VIT: variants seen among roughly 807,000 people sequenced by gnomAD.
VIT encodes the protein vitrin.
A neutral mutation model predicts 78.0 loss-of-function variants in VIT; 99 were observed. That is an observed-to-expected ratio of 1.27 (90% CI 1.08 to 1.50). The LOEUF is 1.50. Among genes scored for constraint, VIT ranks in the 40% most tolerant of loss-of-function variants. The pLI, the probability that VIT is intolerant of heterozygous loss-of-function variation, is 0.00. For missense variants in VIT, 1,126 were observed against 875.3 expected (o/e 1.29, Z -3.61); for synonymous variants, 374 against 334.3 (o/e 1.12, Z -1.29).
At chr2:36,713,586 A>C (rs143070553) in intron 1 of VIT, among the ~76,000 whole-genome samples, 1,678 of 152,314 alleles carry the variant, frequency 0.011, 35 homozygotes, top group African/African-American at 0.039. Context: ...AGAAGGGAAC[A>C]GCCTAGTTAT....
chr2:36,717,034 G>A (rs1412409837), intron 2 of VIT, among the ~76,000 whole-genome samples: 3 of 151,684 alleles, frequency 2.0e-5, no homozygotes, highest in Non-Finnish European at 2.9e-5. Context: ...ACGCCACCAT[G>A]CCTGGTTAAT....
At chr2:36,781,367 G>T (rs969710120) in intron 9 of VIT, among the ~76,000 whole-genome samples, 1 of 152,178 alleles carries the variant, frequency 6.6e-6, no homozygotes, top group Non-Finnish European at 1.5e-5. Context: ...TGTCTCTGGA[G>T]GTATCAAGCA....
chr2:36,765,733 A>C (rs767168391), intron 6 of VIT, among the ~76,000 whole-genome samples: 2 of 152,266 alleles, frequency 1.3e-5, no homozygotes, highest in African/African-American at 2.4e-5. Flanking sequence ...GTCAGCAGAA[A>C]GCAGAAGAGG....
At chr2:36,709,465 C>T (rs1349889511) in intron 1 of VIT, among the ~76,000 whole-genome samples, 2 of 152,228 alleles carry the variant, frequency 1.3e-5, no homozygotes, top group Non-Finnish European at 2.9e-5. Flanking sequence ...ATGATGCATG[C>T]ATGCCAGTCT....
At chr2:36,798,780 T>A (rs1256433925) in intron 12 of VIT, among the ~76,000 whole-genome samples, 2 of 151,482 alleles carry the variant, frequency 1.3e-5, no homozygotes, top group African/African-American at 4.9e-5. Flanking sequence ...ATAGATAAAA[T>A]TTTTAAAAAA....
rs577099488 is a variant in VIT at position 36,709,629 on chromosome 2, G to C, written c.-18-6724G>C. Among the ~76,000 whole-genome samples, 3 of 152,308 alleles carry C rather than the reference G, an allele frequency of 2.0e-5. No individual in the cohort carries two copies. The South Asian group carries it at 6.2e-4, about 32-fold the overall frequency. ...AAATCAGGGTGATTTATGTAGAAGA[G>C]GTGGCCCAGGAGCTGAAGCTTGAAA... On this transcript the variant is annotated intron_variant, in intron 1 of 15. Transcript: ENST00000379242.
At chr2:36,803,047 A>C (rs959889196) in intron 13 of VIT, among the ~76,000 whole-genome samples, 8 of 152,194 alleles carry the variant, frequency 5.3e-5, no homozygotes, top group Admixed American at 5.2e-4. Flanking sequence ...TTGTCCAGGA[A>C]GCCAGCAGGA....
intron 9 of VIT, among the ~76,000 whole-genome samples, chr2:36,777,503 G>A (rs1670146489): frequency 6.6e-6 from 1 of 152,122 alleles, no homozygotes; most frequent in African/African-American, 2.4e-5. Flanking sequence ...AGGGTAGTGT[G>A]CCAGGCAATT....
chr2:36,757,019 T>A (rs4670601), intron 5 of VIT, among the ~76,000 whole-genome samples: 62,885 of 152,016 alleles, frequency 0.41, 13,278 homozygotes, highest in South Asian at 0.51. Flanking sequence ...TAACCGAAAA[T>A]ACTTTTTGCC....
chr2:36,716,698 C>T (rs183929166), intron 2 of VIT, among the ~76,000 whole-genome samples: 146 of 152,160 alleles, frequency 9.6e-4, no homozygotes, highest in Non-Finnish European at 1.5e-3. Flanking sequence ...ATACACACAC[C>T]TAGCTTGTGT....
At chr2:36,738,591 A>C (rs1179993422) in intron 3 of VIT, among the ~76,000 whole-genome samples, 2 of 152,196 alleles carry the variant, frequency 1.3e-5, no homozygotes, top group African/African-American at 4.8e-5. Context: ...AGCAGTGAAC[A>C]AAACAGACAA....
chr2:36,794,550 A>G (rs1007961084), intron 12 of VIT, among the ~76,000 whole-genome samples: 10 of 152,184 alleles, frequency 6.6e-5, no homozygotes, highest in African/African-American at 1.9e-4. Context: ...ATGATTTCTT[A>G]TTCATTATTA....
intron 14 of VIT, 28 bp from the exon 15 acceptor site, chr2:36,808,439 ACGTGG>A: frequency 6.4e-7 from 1 of 1,569,980 alleles, no homozygotes; most frequent in Non-Finnish European, 8.7e-7. Flanking sequence ...TTTGACCCTG[ACGTGG>A]CGTGGGTCCC....
intron 2 of VIT, among the ~76,000 whole-genome samples, chr2:36,728,377 A>G (rs1666982999): frequency 6.6e-6 from 1 of 152,222 alleles, no homozygotes; most frequent in South Asian, 2.1e-4. Flanking sequence ...GAATAAGGAT[A>G]TAAGGAAAGA....
Position 36,814,389 on chromosome 2 carries a change from T to G in VIT, c.*28T>G. 1 of 1,611,872 alleles carries G rather than the reference T, an allele frequency of 6.2e-7. No individual in the cohort carries two copies. Among genetic ancestry groups the G allele is most frequent in the African/African-American group, 1.3e-5 (1 of 75,048 alleles). On this transcript the variant is annotated 3_prime_UTR_variant, in exon 16 of 16. Coordinates refer to ENST00000379242, the MANE Select transcript of VIT (RefSeq NM_053276.4). Reference sequence around the variant, plus strand: ...TCAGAGCAGGCAGAGCACCAGCAAGTGCTGCTTTACTAACTGACGTGTTGG... The same window carrying G: ...TCAGAGCAGGCAGAGCACCAGCAAGGGCTGCTTTACTAACTGACGTGTTGG...
chr2:36,698,536 C>G (rs1456319716), intron 1 of VIT, among the ~76,000 whole-genome samples: 2 of 152,200 alleles, frequency 1.3e-5, no homozygotes, highest in Non-Finnish European at 2.9e-5. Context: ...TTTTGTTTCT[C>G]TCTTTGGAAA....
At position 36,808,781 on chromosome 2, in the gene VIT, T is replaced by C. The variant is rs745914552; in HGVS notation, c.1699T>C (p.Tyr567His). The change falls in exon 15 of 16, where the codon TAC becomes CAC. Residue 567 changes from tyrosine (Y) to histidine (H), a missense_variant. Tyr to His is a moderately conservative substitution (Grantham distance 83, BLOSUM62 2). Coordinates refer to ENST00000379242, the MANE Select transcript of VIT (RefSeq NM_053276.4). ...GCGGCTGGAGTTTGGGTTCGACAAG[T>C]ACAGCAGCAAGCCTGACATCCTCAA... is the stretch of plus-strand genomic sequence containing the variant. ...EQRLEFGFDK[Y>H]SSKPDILNAI... 6.2e-7 allele frequency: 1 copy of C among 1,614,026 alleles called. No individual in the cohort carries two copies. The highest frequency in any genetic ancestry group is 8.5e-7 in the Non-Finnish European group (1 of 1,179,932).
intron 11 of VIT, among the ~76,000 whole-genome samples, chr2:36,785,956 C>A (rs1390355282): frequency 6.6e-6 from 1 of 152,138 alleles, no homozygotes; most frequent in Non-Finnish European, 1.5e-5. Flanking sequence ...TTTTTAAAAC[C>A]AGCAACAACC....
At chr2:36,788,997 G>C (rs985954821) in intron 12 of VIT, among the ~76,000 whole-genome samples, 2 of 152,108 alleles carry the variant, frequency 1.3e-5, no homozygotes, top group Non-Finnish European at 2.9e-5. Context: ...CCATTCACAA[G>C]CAAGAGTTTA....
Sources: allele counts gnomAD v4.1 joint callset (sites outside exome capture counted in the v4.1 genomes callset), GRCh38; gene constraint gnomAD v4.1.1; transcripts MANE v1.5; gene names NCBI Gene and HGNC (gene_info 2026-07-23, HGNC 2026-07-21).